The following SAMD5 variants were observed in gnomAD, a reference collection of about 807,000 sequenced individuals.
SAMD5 encodes the protein sterile alpha motif domain-containing protein 5.
A neutral mutation model predicts 11.3 loss-of-function variants in SAMD5; 13 were observed. The ratio of observed to expected loss-of-function variants is 1.15; its 90% CI spans 0.75 to 1.83. The LOEUF (loss-of-function observed/expected upper bound fraction) is 1.83, where lower values mean the gene tolerates loss of function less well. SAMD5 is among the 40% of genes most tolerant of loss of function. The probability of loss-of-function intolerance (pLI) is 0.00; values close to 1 mark genes in which losing one functional copy is unlikely to be tolerated. For synonymous variants in SAMD5, 129 were observed against 111.3 expected, an observed-to-expected ratio of 1.16 and a Z score of -1.00; for missense variants, 255 against 239.1, an observed-to-expected ratio of 1.07 and a Z score of -0.44.
At chr6:147,535,409 T>C (rs58829283) in intron 1 of SAMD5, among the ~76,000 whole-genome samples, 3,135 of 152,304 alleles carry the variant, frequency 0.021, 113 homozygotes, top group African/African-American at 0.068. Context: ...TTGAAAACAT[T>C]AGTTTGGGGA....
At chr6:147,521,292 C>T (rs184204281) in intron 1 of SAMD5, among the ~76,000 whole-genome samples, 14 of 152,102 alleles carry the variant, frequency 9.2e-5, no homozygotes, top group South Asian at 4.1e-4. Context: ...CTTTTTTCTA[C>T]TGGTCTTAGA....
chr6:147,815,572 C>T, the SAMD5 span, among the ~76,000 whole-genome samples: 1 of 152,270 alleles, frequency 6.6e-6, no homozygotes, highest in Non-Finnish European at 1.5e-5. Flanking sequence ...GACAAGTGTT[C>T]TAGAAAGGGT....
intron 1 of SAMD5, among the ~76,000 whole-genome samples, chr6:147,520,914 C>T (rs536186563): frequency 2.6e-4 from 39 of 152,194 alleles, no homozygotes; most frequent in Admixed American, 1.7e-3. Context: ...GTATACAACA[C>T]GTTATTATTA....
chr6:147,821,500 G>T, the SAMD5 span, among the ~76,000 whole-genome samples: 24 of 152,280 alleles, frequency 1.6e-4, no homozygotes, highest in African/African-American at 5.8e-4. Flanking sequence ...TCACGGCTTT[G>T]CTCCAGAATC....
chr6:147,703,637 C>T lies in SAMD5; in HGVS notation c.163-33680C>T, dbSNP rs111716837. On this transcript the variant is annotated intron_variant, in intron 1 of 1. Transcript: ENST00000566741. ...GGCAAGATATTTGAGCTACAAAGTCCAAATCACAATCTCCTTTCTCTATGC... is the reference window on the plus strand; with the variant it reads ...GGCAAGATATTTGAGCTACAAAGTCTAAATCACAATCTCCTTTCTCTATGC... Among the ~76,000 whole-genome samples the T allele has an allele frequency of 4.3e-3, 652 of 152,234 alleles. 3 individuals are homozygous for T. Among genetic ancestry groups the T allele is most frequent in the African/African-American group, 0.015 (605 of 41,540 alleles).
intron 1 of SAMD5, among the ~76,000 whole-genome samples, chr6:147,595,807 G>A (rs1789522896): frequency 6.6e-6 from 1 of 152,032 alleles, no homozygotes; most frequent in African/African-American, 2.4e-5. Context: ...TTACAGGTGT[G>A]AGCCACTGTG....
chr6:147,514,793 G>A (rs1435361191), intron 1 of SAMD5, among the ~76,000 whole-genome samples: 1 of 152,076 alleles, frequency 6.6e-6, no homozygotes, highest in Admixed American at 6.6e-5. Flanking sequence ...ACTTTCGTAG[G>A]AGTGTTCATC....
At chr6:147,949,477 A>G in the SAMD5 span, among the ~76,000 whole-genome samples, 1 of 152,234 alleles carries the variant, frequency 6.6e-6, no homozygotes, top group Non-Finnish European at 1.5e-5. Context: ...CACTATAAAG[A>G]GAACTTGAAA....
chr6:147,849,978 G>A, the SAMD5 span, among the ~76,000 whole-genome samples: 1 of 152,316 alleles, frequency 6.6e-6, no homozygotes, highest in East Asian at 1.9e-4. Flanking sequence ...GTGTTGTGAT[G>A]AAAATGAGAG....
chr6:147,862,534 C>T, the SAMD5 span, among the ~76,000 whole-genome samples: 1 of 152,208 alleles, frequency 6.6e-6, no homozygotes, highest in Non-Finnish European at 1.5e-5. Flanking sequence ...CCCTGGCAGC[C>T]TCCGGATATT....
chr6:147,642,913 A>G (rs754526991), intron 1 of SAMD5, among the ~76,000 whole-genome samples: 3 of 152,174 alleles, frequency 2.0e-5, no homozygotes, highest in Non-Finnish European at 4.4e-5. Flanking sequence ...TGCCATCTGC[A>G]CTGTTGTCAC....
the SAMD5 span, among the ~76,000 whole-genome samples, chr6:147,759,656 A>C: frequency 4.0e-5 from 6 of 151,754 alleles, no homozygotes; most frequent in Non-Finnish European, 5.9e-5. Context: ...TTCAGAATAA[A>C]CAATTATTTC....
At chr6:147,542,677 A>C (rs560869039) in intron 1 of SAMD5, among the ~76,000 whole-genome samples, 9 of 152,318 alleles carry the variant, frequency 5.9e-5, no homozygotes, top group African/African-American at 2.2e-4. Context: ...TGATCCGTCA[A>C]GGGCAGGGTC....
chr6:147,676,661 A>G (rs771797155), intron 1 of SAMD5, among the ~76,000 whole-genome samples: 8 of 152,208 alleles, frequency 5.3e-5, no homozygotes, highest in Non-Finnish European at 8.8e-5. Context: ...CAGTATATAC[A>G]TGAGTAGGGA....
chr6:147,513,213 T>C (rs1463301969), intron 1 of SAMD5, among the ~76,000 whole-genome samples: 1 of 152,040 alleles, frequency 6.6e-6, no homozygotes, highest in Admixed American at 6.5e-5. Flanking sequence ...TTGGAGTATA[T>C]CTTGTGAGCA....
chr6:147,736,199 A>G (rs1008680377), intron 1 of SAMD5, among the ~76,000 whole-genome samples: 2 of 152,196 alleles, frequency 1.3e-5, no homozygotes, highest in African/African-American at 2.4e-5. Flanking sequence ...AGTATTATCA[A>G]TCTCATTCAG....
the SAMD5 span, among the ~76,000 whole-genome samples, chr6:147,843,326 G>A: frequency 2.6e-5 from 4 of 152,012 alleles, no homozygotes; most frequent in Admixed American, 6.6e-5. Flanking sequence ...ATAAAATATC[G>A]ATTAAAGAAA....
chr6:147,789,693 C>T, the SAMD5 span, among the ~76,000 whole-genome samples: 36 of 152,240 alleles, frequency 2.4e-4, no homozygotes, highest in South Asian at 1.7e-3. Flanking sequence ...TCACCCAGGA[C>T]GCCATATTGT....
chr6:147,823,137 A>G, the SAMD5 span, among the ~76,000 whole-genome samples: 51 of 152,302 alleles, frequency 3.3e-4, 1 homozygote, highest in African/African-American at 1.1e-3. Context: ...TTTAAATACA[A>G]GTTTGCATAT....
Sources: gnomAD v4.1 joint callset for allele counts (sites outside exome capture counted in the v4.1 genomes callset) on GRCh38, gnomAD v4.1.1 for gene constraint, MANE v1.5 for transcripts, NCBI Gene and HGNC (gene_info 2026-07-23, HGNC 2026-07-21) for gene names.